Variants in LCLAT1 observed in about 807,000 individuals in gnomAD.
LCLAT1 encodes lysocardiolipin acyltransferase 1.
A neutral mutation model predicts 30.7 loss-of-function variants in LCLAT1; 11 were observed. The ratio of observed to expected loss-of-function variants is 0.36; its 90% CI spans 0.23 to 0.59. The LOEUF is 0.59. Ranked by LOEUF, LCLAT1 falls within the 20% of genes least tolerant of loss-of-function variation. The pLI is 0.77. For missense variants in LCLAT1, 402 were observed against 458.6 expected, an observed-to-expected ratio of 0.88 and a Z score of 1.13; for synonymous variants, 155 against 151.3, an observed-to-expected ratio of 1.02 and a Z score of -0.18.
At chr2:30,565,153 A>G (rs951351377) in intron 4 of LCLAT1, among the ~76,000 whole-genome samples, 4 of 152,192 alleles carry the variant, frequency 2.6e-5, no homozygotes, top group Non-Finnish European at 5.9e-5. Context: ...GTGTATATAT[A>G]GAAAGAGGTT....
At chr2:30,540,001 C>T (rs1291823929) in intron 3 of LCLAT1, among the ~76,000 whole-genome samples, 1 of 152,086 alleles carries the variant, frequency 6.6e-6, no homozygotes, top group Non-Finnish European at 1.5e-5. Context: ...AATAAAATGT[C>T]TAATTACTTA....
intron 5 of LCLAT1, among the ~76,000 whole-genome samples, chr2:30,621,330 A>G (rs1363983847): frequency 6.6e-6 from 1 of 152,120 alleles, no homozygotes; most frequent in Non-Finnish European, 1.5e-5. Context: ...CATGTGACGT[A>G]TTTATTAGAA....
chr2:30,479,960 A>G (rs759446155), intron 1 of LCLAT1, among the ~76,000 whole-genome samples: 3 of 152,216 alleles, frequency 2.0e-5, no homozygotes, highest in Non-Finnish European at 4.4e-5. Flanking sequence ...TAAAATGGAA[A>G]TAATCCCTGC....
chr2:30,627,637 T>C (rs974365650), intron 5 of LCLAT1, among the ~76,000 whole-genome samples: 5 of 152,200 alleles, frequency 3.3e-5, no homozygotes, highest in African/African-American at 7.2e-5. Context: ...ATGGTAGAAA[T>C]AGTGAAGCCT....
chr2:30,611,929 G>A (rs1356945892), intron 5 of LCLAT1, among the ~76,000 whole-genome samples: 1 of 151,866 alleles, frequency 6.6e-6, no homozygotes, highest in Non-Finnish European at 1.5e-5. Flanking sequence ...AGCCGTGTCT[G>A]CACTGATGGA....
At chr2:30,550,631 C>T (rs1388694975) in intron 3 of LCLAT1, among the ~76,000 whole-genome samples, 7 of 152,242 alleles carry the variant, frequency 4.6e-5, no homozygotes, top group African/African-American at 1.7e-4. Context: ...CATGGCTTAT[C>T]ACTGGTGATG....
At chr2:30,567,992 C>T in intron 4 of LCLAT1, 68 bp from the exon 5 acceptor site, 3 of 773,490 alleles carry the variant, frequency 3.9e-6, no homozygotes, top group East Asian at 2.6e-5. Flanking sequence ...AAAAATTCTG[C>T]ACTTCTTTCC....
At chr2:30,468,217 T>G (rs1192977772) in intron 1 of LCLAT1, among the ~76,000 whole-genome samples, 1 of 152,196 alleles carries the variant, frequency 6.6e-6, no homozygotes, top group Non-Finnish European at 1.5e-5. Flanking sequence ...TTTCCCCATT[T>G]CTTGTTTTTG....
At chr2:30,581,345 G>C (rs972914917) in intron 5 of LCLAT1, among the ~76,000 whole-genome samples, 1 of 152,086 alleles carries the variant, frequency 6.6e-6, no homozygotes, top group Non-Finnish European at 1.5e-5. Flanking sequence ...TCTTCAGCTG[G>C]AAGTCCTGTC....
chr2:30,451,353 CTG>C (rs1180796142), intron 1 of LCLAT1, among the ~76,000 whole-genome samples: 2 of 152,210 alleles, frequency 1.3e-5, no homozygotes, highest in Admixed American at 6.5e-5. Context: ...CTTTGGAAGA[CTG>C]TGGCTTTGTC....
In LCLAT1 at chr2:30,640,127, T is replaced by A; in HGVS notation, c.639T>A (p.Leu213=). Residue 213 remains leucine (L), a synonymous_variant, in exon 6 of 6, where the codon CTT becomes CTA. Transcript: ENST00000379509. ...CTTTTCGAAACCCAGGTAAGAACCT[T>A]GATGCTGTCCATGATATCACTGTGG... is the stretch of plus-strand genomic sequence containing the variant. ...VVDRLREGKN[L]DAVHDITVAY... The A allele has an allele frequency of 6.2e-7, 1 of 1,610,686 alleles. No individual in the cohort carries two copies. Among genetic ancestry groups the A allele is most frequent in the Non-Finnish European group, 8.5e-7 (1 of 1,178,832 alleles).
At chr2:30,500,740 A>G (rs151162728) in intron 1 of LCLAT1, among the ~76,000 whole-genome samples, 2 of 152,332 alleles carry the variant, frequency 1.3e-5, no homozygotes, top group Admixed American at 1.3e-4. Flanking sequence ...GTATCTATTA[A>G]AAGAAAAAAT....
At position 30,539,735 on chromosome 2, in the gene LCLAT1, G is replaced by A. The variant is rs140769299; in HGVS notation, c.364+6421G>A. 3.9e-5 allele frequency among the ~76,000 whole-genome samples: 6 copies of A among 152,244 alleles called. No individual in the cohort carries two copies. The East Asian group carries it at 1.2e-3, about 29-fold the overall frequency. ...ATTTTCAACTCGGGTATAATTTCAG[G>A]AGAAGGAAAAGGTAAAAGAATCTCT... On this transcript the variant is annotated intron_variant, in intron 3 of 5. Transcript: ENST00000379509.
chr2:30,610,989 G>GTT (rs150336150), intron 5 of LCLAT1, among the ~76,000 whole-genome samples: 2 of 137,162 alleles, frequency 1.5e-5, no homozygotes, highest in African/African-American at 5.3e-5. Flanking sequence ...GTTTAATTTT[G>GTT]TTTTTTTTTC....
chr2:30,512,959 TA>T (rs776073322), intron 1 of LCLAT1, among the ~76,000 whole-genome samples: 1 of 152,192 alleles, frequency 6.6e-6, no homozygotes, highest in Non-Finnish European at 1.5e-5. Context: ...ATATAATTAT[TA>T]ATTAAAAATG....
At position 30,552,915 on chromosome 2, in the gene LCLAT1, T is replaced by G. The variant is rs993275042; in HGVS notation, c.365-9231T>G. 5.9e-5 allele frequency among the ~76,000 whole-genome samples: 9 copies of G among 152,220 alleles called. No homozygotes were observed. In the South Asian group the frequency reaches 1.7e-3, roughly 28 times the overall value. On this transcript the variant is annotated intron_variant, in intron 3 of 5. Coordinates refer to ENST00000379509, the MANE Select transcript of LCLAT1 (RefSeq NM_001002257.3). The stretch of plus-strand genomic sequence containing the variant: ...GGCCTATGGGTAGCATTTCTGTGGT[T>G]GCATCCACATCGTTTATTCAGGATT...
chr2:30,579,863 G>GT, intron 5 of LCLAT1, among the ~76,000 whole-genome samples: 1 of 152,202 alleles, frequency 6.6e-6, no homozygotes, highest in East Asian at 1.9e-4. Flanking sequence ...TTCTAAGACA[G>GT]TTTATTATCT....
intron 5 of LCLAT1, among the ~76,000 whole-genome samples, chr2:30,589,022 A>G (rs560327156): frequency 3.9e-5 from 6 of 152,364 alleles, no homozygotes; most frequent in African/African-American, 7.2e-5. Context: ...ATGAATTGCT[A>G]TCAACTTGAT....
intron 5 of LCLAT1, among the ~76,000 whole-genome samples, chr2:30,593,784 ATTAAAGGTT>A (rs1291149210): frequency 6.6e-6 from 1 of 152,068 alleles, no homozygotes; most frequent in African/African-American, 2.4e-5. Flanking sequence ...ATGGCCATAG[ATTAAAGGTT>A]TAATTAGTAG....
Sources: allele counts gnomAD v4.1 joint callset (sites outside exome capture counted in the v4.1 genomes callset), GRCh38; gene constraint gnomAD v4.1.1; transcripts MANE v1.5; gene names NCBI Gene and HGNC (gene_info 2026-07-23, HGNC 2026-07-21).